CRYBG1: variants seen among roughly 807,000 people sequenced by gnomAD.
The protein encoded by CRYBG1 is beta/gamma crystallin domain-containing protein 1.
In CRYBG1, 139 loss-of-function variants were observed where a neutral mutation model predicts 189.2. The ratio of observed to expected loss-of-function variants is 0.73; its 90% CI spans 0.64 to 0.85. The LOEUF is 0.85. CRYBG1 is among the 40% of genes least tolerant of loss of function. The probability of loss-of-function intolerance (pLI) is 0.00; values close to 1 mark genes in which losing one functional copy is unlikely to be tolerated. For synonymous variants in CRYBG1, 1,023 were observed against 1,017.1 expected, an observed-to-expected ratio of 1.01 and a Z score of -0.11; for missense variants, 2,611 against 2,675.8, an observed-to-expected ratio of 0.98 and a Z score of 0.53.
chr6:106,571,275 T>C lies in CRYBG1; in HGVS notation c.*2709T>C, dbSNP rs1175564218. 2.0e-5 allele frequency: 3 copies of C among 152,228 alleles called. No homozygotes were observed. The highest frequency in any genetic ancestry group is 2.9e-5 in the Non-Finnish European group (2 of 68,038). The allele number at this position is 152,228 out of a possible 1,614,324, so 9.4% of individuals were successfully genotyped here. A position where few individuals can be genotyped will look rare whatever the true frequency, so the allele number is the denominator to read the frequency against. On this transcript the variant is annotated 3_prime_UTR_variant, in exon 22 of 22. Coordinates refer to ENST00000633556, the MANE Select transcript of CRYBG1 (RefSeq NM_001371242.2). ...TTTAAGAGCTGTGGTGACCACATTA[T>C]GGTGGAGGAACAAAAAAGGAAACCT...
At position 106,543,504 on chromosome 6, in the gene CRYBG1, G is replaced by A; in HGVS notation, c.4946G>A (p.Ser1649Asn). Residue 1649 changes from serine (S) to asparagine (N), a missense_variant, in exon 11 of 22, where the codon AGT (serine) becomes AAT (asparagine). Physicochemically the swap from Ser to Asn is conservative, Grantham distance 46. Coordinates refer to ENST00000633556, the MANE Select transcript of CRYBG1 (RefSeq NM_001371242.2). ...GTGGAACTAGAAACAGGAATGTGTA[G>A]TTTTGTCATGGAGGGAGGTGAAACA... ...KCVELETGMC[S>N]FVMEGGETEE... 6.2e-7 allele frequency: 1 copy of A among 1,614,120 alleles called. No individual in the cohort carries two copies. Among genetic ancestry groups the A allele is most frequent in the Non-Finnish European group, 8.5e-7 (1 of 1,179,976 alleles).
chr6:106,385,418 T>C (rs549842719), intron 1 of CRYBG1, among the ~76,000 whole-genome samples: 1 of 152,296 alleles, frequency 6.6e-6, no homozygotes. Context: ...TCAGAAACAA[T>C]CTCTTTGACC....
At chr6:106,546,265 C>T (rs2114577468) in intron 13 of CRYBG1, among the ~76,000 whole-genome samples, 1 of 152,324 alleles carries the variant, frequency 6.6e-6, no homozygotes. Context: ...TAGGGAGTTA[C>T]ATAATTATTC....
chr6:106,412,978 C>T (rs143167630), intron 1 of CRYBG1, among the ~76,000 whole-genome samples: 26 of 147,838 alleles, frequency 1.8e-4, no homozygotes, highest in Non-Finnish European at 3.1e-4. Flanking sequence ...TTTTGGATTA[C>T]ATATCTGAAA....
At chr6:106,385,759 A>G (rs1200874437) in intron 1 of CRYBG1, among the ~76,000 whole-genome samples, 1 of 152,224 alleles carries the variant, frequency 6.6e-6, no homozygotes, top group East Asian at 1.9e-4. Flanking sequence ...TTATGGTGCT[A>G]GCCCAAAGAG....
Position 106,520,123 on chromosome 6 carries a change from C to A in CRYBG1, c.2915C>A (p.Ser972Tyr). ...LPVESTQDVSSQVIPESSEVR... is the reference protein window; with the variant it reads ...LPVESTQDVSYQVIPESSEVR... ...GTGGAGAGCACCCAGGATGTGAGCT[C>A]CCAGGTCATCCCAGAGAGCTCTGAA... The change falls in exon 4 of 22, where the codon TCC (serine) becomes TAC (tyrosine). Residue 972 changes from serine to tyrosine, a missense_variant. By Grantham distance (144) the Ser-to-Tyr change is moderately radical. Transcript: ENST00000633556. The A allele has an allele frequency of 6.2e-7, 1 of 1,614,090 alleles. No homozygotes were observed. The highest frequency in any genetic ancestry group is 8.5e-7 in the Non-Finnish European group (1 of 1,180,026).
chr6:106,519,130 GC>G lies in CRYBG1; in HGVS notation c.1925del (p.Pro642LeufsTer9). 1 of 1,606,238 alleles carries G rather than the reference GC, an allele frequency of 6.2e-7. No homozygotes were observed. The highest frequency in any genetic ancestry group is 8.5e-7 in the Non-Finnish European group (1 of 1,176,292). On this transcript the variant is annotated frameshift_variant and splice_region_variant, in exon 4 of 22. Transcript: ENST00000633556. LOFTEE classifies it high-confidence loss of function. ...GRSTVTTKVT[L>X]PAKPKHVELN... Reference sequence around the variant, plus strand: ...TTTATCTTCCTGCTTTTTCCTCACAGCCCTGCCAAGCCCAAACATGTGGAAC... The same window carrying G: ...TTTATCTTCCTGCTTTTTCCTCACAGCCTGCCAAGCCCAAACATGTGGAAC...
chr6:106,367,662 T>C (rs1372612669), intron 1 of CRYBG1, among the ~76,000 whole-genome samples: 1 of 151,894 alleles, frequency 6.6e-6, no homozygotes, highest in African/African-American at 2.4e-5. Flanking sequence ...GTATGGCTTT[T>C]GATTATAAAT....
intron 1 of CRYBG1, among the ~76,000 whole-genome samples, chr6:106,371,570 A>G (rs568107054): frequency 9.8e-5 from 15 of 152,334 alleles, no homozygotes; most frequent in East Asian, 7.7e-4. Context: ...TCTCTTTTGT[A>G]TTGGCTATCC....
chr6:106,507,789 G>A (rs1191171978), intron 2 of CRYBG1, among the ~76,000 whole-genome samples: 1 of 152,208 alleles, frequency 6.6e-6, no homozygotes, highest in Non-Finnish European at 1.5e-5. Flanking sequence ...AGATGTGACT[G>A]AGGACTTTAC....
chr6:106,409,122 C>G (rs1770878207), intron 1 of CRYBG1, among the ~76,000 whole-genome samples: 1 of 152,168 alleles, frequency 6.6e-6, no homozygotes, highest in African/African-American at 2.4e-5. Context: ...ATTTAGAAAA[C>G]CCCATTGTCT....
intron 1 of CRYBG1, among the ~76,000 whole-genome samples, chr6:106,382,152 T>C (rs1451485748): frequency 6.6e-6 from 1 of 152,138 alleles, no homozygotes; most frequent in Non-Finnish European, 1.5e-5. Flanking sequence ...AGGCCAGCCA[T>C]GGGCATTGCA....
rs749418444 is a variant in CRYBG1 at position 106,560,893 on chromosome 6, T to A, written c.5946T>A (p.Cys1982Ter). ...EVPNWYEFSG[C>*]RQIGSLRPFV... ...CTAATTGGTATGAATTCAGTGGCTG[T>A]CGCCAAATAGGTTCTCTACGACCTT... Residue 1982 changes from cysteine to a stop codon, truncating the protein, a stop_gained, in exon 19 of 22, where the codon TGT becomes TGA. Transcript: ENST00000633556. LOFTEE classifies it high-confidence loss of function. The A allele has an allele frequency of 1.2e-6, 2 of 1,612,544 alleles. No homozygotes were observed. Among genetic ancestry groups the A allele is most frequent in the Admixed American group, 3.3e-5 (2 of 59,718 alleles).
rs767257293 is a variant in CRYBG1, at chr6:106,512,161, C to CTT, written c.1044_1045insTT (p.Glu349LeufsTer29). 4 of 1,534,350 alleles carry CTT rather than the reference C, an allele frequency of 2.6e-6. No individual in the cohort carries two copies. The South Asian group carries it at 4.8e-5, about 18-fold the overall frequency. Reference sequence around the variant, plus strand: ...CTGATTTGCCAGGTGAGCCTCCGGCCGAGGGCGCAGCGCACACGGCCAGCT... The same window carrying CTT: ...CTGATTTGCCAGGTGAGCCTCCGGCCTTGAGGGCGCAGCGCACACGGCCAGCT... On this transcript the variant is annotated frameshift_variant, in exon 3 of 22. Coordinates refer to ENST00000633556, the MANE Select transcript of CRYBG1 (RefSeq NM_001371242.2). LOFTEE classifies it high-confidence loss of function.
At chr6:106,451,647 G>A in intron 1 of CRYBG1, 47 bp from the exon 2 acceptor site, 2 of 1,431,608 alleles carry the variant, frequency 1.4e-6, no homozygotes, top group Non-Finnish European at 1.8e-6. Context: ...TGAGATTTTG[G>A]CATTGTTCAT....
At chr6:106,477,870 C>T (rs556225466) in intron 2 of CRYBG1, among the ~76,000 whole-genome samples, 100 of 152,362 alleles carry the variant, frequency 6.6e-4, no homozygotes, top group Non-Finnish European at 1.3e-3. Context: ...TAAAGGATCT[C>T]ACACCATGGA....
At chr6:106,361,221 GT>G (rs1771861955) in intron 1 of CRYBG1, 140 bp downstream of exon 1, 1 of 1,092,336 alleles carries the variant, frequency 9.2e-7, no homozygotes, top group African/African-American at 1.6e-5. Flanking sequence ...GGGTACCCGG[GT>G]CCGGAGGGGA....
chr6:106,511,518 G>A lies in CRYBG1; in HGVS notation c.401G>A (p.Ser134Asn). ...TLFTAGRRRN[S>N]RNGLESPTRS... Reference sequence around the variant, plus strand: ...TTCACTGCAGGAAGGAGAAGAAACAGTAGAAACGGGTTAGAGAGTCCCACC... The same window carrying A: ...TTCACTGCAGGAAGGAGAAGAAACAATAGAAACGGGTTAGAGAGTCCCACC... Residue 134 changes from serine to asparagine, a missense_variant, in exon 3 of 22, where the codon AGT (serine) becomes AAT (asparagine). This residue lies in a region of CRYBG1 where 985 missense variants were observed against 924.4 expected (regional missense o/e 1.07). Coordinates refer to ENST00000633556, the MANE Select transcript of CRYBG1 (RefSeq NM_001371242.2). 6 of 1,535,684 alleles carry A rather than the reference G, an allele frequency of 3.9e-6. No individual in the cohort carries two copies. The highest frequency in any genetic ancestry group is 5.2e-6 in the Non-Finnish European group (6 of 1,146,544).
At chr6:106,518,483 A>T (rs1456680352) in intron 3 of CRYBG1, among the ~76,000 whole-genome samples, 1 of 152,250 alleles carries the variant, frequency 6.6e-6, no homozygotes, top group African/African-American at 2.4e-5. Flanking sequence ...TCAGGCCTTA[A>T]GATGTCTTCC....
Sources: gnomAD v4.1 joint callset for allele counts (sites outside exome capture counted in the v4.1 genomes callset) on GRCh38, gnomAD v4.1.1 for gene constraint, gnomAD v4.1.1 regional missense constraint, MANE v1.5 for transcripts, NCBI Gene and HGNC (gene_info 2026-07-23, HGNC 2026-07-21) for gene names.